The following COPA variants were observed in gnomAD, a reference collection of about 807,000 sequenced individuals.
COPA encodes coatomer subunit alpha.
In COPA, 10 loss-of-function variants were observed where a neutral mutation model predicts 158.7. The ratio of observed to expected loss-of-function variants is 0.06; its 90% CI spans 0.04 to 0.11. The LOEUF (loss-of-function observed/expected upper bound fraction) is 0.11, where lower values mean the gene tolerates loss of function less well. COPA is among the 10% of genes least tolerant of loss of function. COPA has a pLI of 1.00. For missense variants in COPA, 1,065 were observed against 1,536.7 expected, an observed-to-expected ratio of 0.69 and a Z score of 5.13; for synonymous variants, 462 against 542.8, an observed-to-expected ratio of 0.85 and a Z score of 2.07.
intron 13 of COPA, 24 bp from the exon 14 acceptor site, chr1:160,307,269 T>G (rs770699399): frequency 6.2e-7 from 1 of 1,610,842 alleles, no homozygotes. Flanking sequence ...AACCAAAGGG[T>G]GGGAGCATGT....
intron 31 of COPA, 84 bp from the exon 32 acceptor site, chr1:160,290,770 C>T (rs1362362437): frequency 9.9e-6 from 13 of 1,308,696 alleles, no homozygotes; most frequent in East Asian, 2.3e-5. Flanking sequence ...TTGGTAGTTC[C>T]GTTGATGTGA....
At chr1:160,291,632 C>G in intron 30 of COPA, 136 bp from the exon 31 acceptor site, 5 of 1,188,764 alleles carry the variant, frequency 4.2e-6, no homozygotes, top group Non-Finnish European at 6.0e-6. Context: ...TCTTCTACCT[C>G]CTAGGTATGG....
chr1:160,312,995 A>C, intron 10 of COPA, 90 bp downstream of exon 10: 1 of 1,178,614 alleles, frequency 8.5e-7, no homozygotes, highest in Non-Finnish European at 1.2e-6. Context: ...TCATCCTACT[A>C]TACATTTACT....
chr1:160,329,944 C>T (rs941459505), intron 6 of COPA, among the ~76,000 whole-genome samples: 2 of 152,130 alleles, frequency 1.3e-5, no homozygotes, highest in African/African-American at 4.8e-5. Context: ...GAAACCCTGT[C>T]TCTACTAAAA....
intron 30 of COPA, 86 bp downstream of exon 30, chr1:160,291,733 T>C: frequency 7.2e-7 from 1 of 1,393,338 alleles, no homozygotes; most frequent in Non-Finnish European, 1.0e-6. Flanking sequence ...CCCACTCAGA[T>C]CTGGGTTTGA....
intron 7 of COPA, among the ~76,000 whole-genome samples, chr1:160,324,285 CTTTTTT>C (rs750360211): frequency 9.8e-6 from 1 of 102,356 alleles, no homozygotes; most frequent in African/African-American, 3.6e-5. Context: ...CTTCTTCATT[CTTTTTT>C]TTTTTTTTTT....
chr1:160,310,793 T>C (rs191018041), intron 11 of COPA, among the ~76,000 whole-genome samples: 37 of 152,278 alleles, frequency 2.4e-4, no homozygotes, highest in African/African-American at 7.9e-4. Flanking sequence ...CCAGAGGTTA[T>C]TGTATCTTCA....
chr1:160,295,735 C>A lies in COPA; in HGVS notation c.2476+1G>T. On this transcript the variant is annotated splice_donor_variant, in intron 23 of 32. Transcript: ENST00000241704. LOFTEE classifies it high-confidence loss of function. ...GTGCTATGGGAGAAATAGGTACTTA[C>A]CTTTGCTGGCAATGGTGCCTTCAAA... 6.2e-7 allele frequency: 1 copy of A among 1,602,696 alleles called. No individual in the cohort carries two copies. The highest frequency in any genetic ancestry group is 8.5e-7 in the Non-Finnish European group (1 of 1,176,366).
chr1:160,301,310 A>G (rs567767651), intron 17 of COPA, among the ~76,000 whole-genome samples: 68 of 152,284 alleles, frequency 4.5e-4, no homozygotes, highest in Non-Finnish European at 8.8e-4. Context: ...ACTCAAAGGA[A>G]ATGTTCATTG....
Position 160,291,504 on chromosome 1 carries a change from A to G in COPA, c.3259-8T>C. On this transcript the variant is annotated splice_region_variant and splice_polypyrimidine_tract_variant and intron_variant, in intron 30 of 32. Transcript: ENST00000241704. The stretch of plus-strand genomic sequence containing the variant: ...GGTGAAATAGGCTGCCATCTGGTGG[A>G]CAGAAAAAGGAACACATGCCAGGTT... 6.2e-7 allele frequency: 1 copy of G among 1,611,914 alleles called. No homozygotes were observed. Among genetic ancestry groups the G allele is most frequent in the South Asian group, 1.1e-5 (1 of 91,016 alleles).
At chr1:160,294,670 G>T (rs1181380118) in intron 24 of COPA, 77 bp from the exon 25 acceptor site, 16 of 1,596,356 alleles carry the variant, frequency 1.0e-5, no homozygotes, top group Non-Finnish European at 1.2e-5. Flanking sequence ...ATCAATCCTA[G>T]TTCGTTTCAT....
intron 17 of COPA, among the ~76,000 whole-genome samples, chr1:160,304,008 A>G (rs1367168064): frequency 6.6e-6 from 1 of 152,056 alleles, no homozygotes; most frequent in Non-Finnish European, 1.5e-5. Flanking sequence ...AAGACAAGAA[A>G]GGAAATTTTT....
intron 1 of COPA, among the ~76,000 whole-genome samples, chr1:160,342,849 A>G (rs775323307): frequency 6.6e-6 from 1 of 152,192 alleles, no homozygotes; most frequent in Admixed American, 6.5e-5. Flanking sequence ...AATCGGGAGC[A>G]CAGCCAAGAG....
chr1:160,330,197 C>T (rs998107705), intron 6 of COPA, among the ~76,000 whole-genome samples: 1 of 151,868 alleles, frequency 6.6e-6, no homozygotes, highest in Non-Finnish European at 1.5e-5. Context: ...GCTCCTATAT[C>T]CTGAGACAGA....
chr1:160,292,015 T>C lies in COPA; in HGVS notation c.3144A>G (p.Ala1048=). Residue 1048 remains alanine, a synonymous_variant, in exon 29 of 33, where the codon GCA becomes GCG. Transcript: ENST00000241704. ...LLVVDNKQEI[A]EAQQLITICR... ...GACAGCGGCTAGACCCTCCTACCTC[T>C]GCAATCTCTTGTTTATTGTCCACAA... 1.9e-6 allele frequency: 3 copies of C among 1,614,186 alleles called. No homozygotes were observed. Among genetic ancestry groups the C allele is most frequent in the Middle Eastern group, 1.6e-4 (1 of 6,062 alleles).
At chr1:160,324,457 AT>A (rs36119799) in intron 7 of COPA, among the ~76,000 whole-genome samples, 4,151 of 131,866 alleles carry the variant, frequency 0.031, 192 homozygotes, top group African/African-American at 0.11. Flanking sequence ...CGCCCAGCTA[AT>A]TTTTTTTTTT....
At position 160,290,161 on chromosome 1, in the gene COPA, C is replaced by A; in HGVS notation, c.3671G>T (p.Arg1224Leu). The A allele has an allele frequency of 6.2e-7, 1 of 1,614,012 alleles. No individual in the cohort carries two copies. Among genetic ancestry groups the A allele is most frequent in the Non-Finnish European group, 8.5e-7 (1 of 1,179,994 alleles). Residue 1224 changes from arginine to leucine, a missense_variant, in exon 33 of 33, where the codon CGC (arginine) becomes CTC (leucine). Arg to Leu is a moderately radical substitution (Grantham distance 102). Coordinates refer to ENST00000241704, the MANE Select transcript of COPA (RefSeq NM_004371.4). ...IGLRISPLQFR is the reference protein window; with the variant it reads ...IGLRISPLQFL ...CCCATGCACACAAAGGGGGCCTTAGCGAAACTGCAGAGGACTGATCCTTAA... is the reference window on the plus strand; with the variant it reads ...CCCATGCACACAAAGGGGGCCTTAGAGAAACTGCAGAGGACTGATCCTTAA...
chr1:160,294,260 T>C (rs1157488813), intron 25 of COPA, among the ~76,000 whole-genome samples: 1 of 152,230 alleles, frequency 6.6e-6, no homozygotes, highest in Non-Finnish European at 1.5e-5. Flanking sequence ...CCCAAAGTGC[T>C]GGGATTACAG....
chr1:160,310,166 C>A (rs747652758), intron 12 of COPA, 26 bp downstream of exon 12: 4 of 1,486,950 alleles, frequency 2.7e-6, no homozygotes, highest in East Asian at 4.9e-5. Flanking sequence ...TGAGGAGAAC[C>A]TAGGAGGGCT....
Sources: allele counts gnomAD v4.1 joint callset (sites outside exome capture counted in the v4.1 genomes callset), GRCh38; gene constraint gnomAD v4.1.1; transcripts MANE v1.5; gene names NCBI Gene and HGNC (gene_info 2026-07-23, HGNC 2026-07-21).